SRP68: variants seen among roughly 807,000 people sequenced by gnomAD.
SRP68 encodes the protein signal recognition particle 68.
A neutral mutation model predicts 82.2 loss-of-function variants in SRP68; 15 were observed. The ratio of observed to expected loss-of-function variants is 0.18; its 90% CI spans 0.12 to 0.28. The LOEUF is 0.28. SRP68 is among the 10% of genes least tolerant of loss of function. The probability of loss-of-function intolerance (pLI) is 1.00; values close to 1 mark genes in which losing one functional copy is unlikely to be tolerated. For missense variants in SRP68, 595 were observed against 780.5 expected (o/e 0.76, Z 2.83); for synonymous variants, 261 against 292.6 (o/e 0.89, Z 1.10).
At chr17:76,068,237 A>G (rs1452289137) in intron 2 of SRP68, among the ~76,000 whole-genome samples, 2 of 151,878 alleles carry the variant, frequency 1.3e-5, no homozygotes, top group African/African-American at 4.8e-5. Context: ...GGTTGCGTTG[A>G]GCCAAGATTG....
intron 12 of SRP68, among the ~76,000 whole-genome samples, chr17:76,044,401 A>G (rs2598431): frequency 0.034 from 5,209 of 152,332 alleles, 141 homozygotes; most frequent in Non-Finnish European, 0.055. Context: ...TCCTGGGCTC[A>G]GCAGAGCCTG....
chr17:76,053,497 G>C lies in SRP68; in HGVS notation c.979-2971C>G, dbSNP rs931801916. ...TTCCTGTCGGTAGGGTACAGTTCAA[G>C]TTTAAAACCTCTTGACTGCCACGTA... On this transcript the variant is annotated intron_variant, in intron 8 of 15. Transcript: ENST00000307877. 5.1e-6 allele frequency: 5 copies of C among 985,220 alleles called. No homozygotes were observed. The African/African-American group carries it at 8.7e-5, about 17-fold the overall frequency. The allele number at this position is 985,220 out of a possible 1,614,324, so 61.0% of individuals were successfully genotyped here.
chr17:76,070,257 CA>C lies in SRP68; in HGVS notation c.251+120del, dbSNP rs1473832818. ...AAAAAAAACAAAGCAAACAAACAAA[CA>C]AAAAAAACAATGCTCTAGACTTTCT... On this transcript the variant is annotated intron_variant, in intron 2 of 15. Coordinates refer to ENST00000307877, the MANE Select transcript of SRP68 (RefSeq NM_014230.4). 123 of 553,572 alleles carry C rather than the reference CA, an allele frequency of 2.2e-4. 2 individuals are homozygous for C. The South Asian group carries it at 2.9e-3, about 13-fold the overall frequency. The allele number at this position is 553,572 out of a possible 1,614,324, so 34.3% of individuals were successfully genotyped here.
rs117031471 is a variant in SRP68 at position 76,065,498 on chromosome 17, T to C, written c.366-1327A>G. 8.3e-3 allele frequency among the ~76,000 whole-genome samples: 1,254 copies of C among 151,116 alleles called. 11 individuals are homozygous for C. Among genetic ancestry groups the C allele is most frequent in the Non-Finnish European group, 0.012 (847 of 67,844 alleles). ...TTTCTCCCAACTGGTTCTCATGAGA[T>C]TTAATCACTACATCCTGCTGCATCC... On this transcript the variant is annotated intron_variant, in intron 3 of 15. Transcript: ENST00000307877.
chr17:76,053,396 G>A, intron 8 of SRP68: 1 of 906,412 alleles, frequency 1.1e-6, no homozygotes, highest in Non-Finnish European at 1.3e-6. Context: ...AGACAAGTGG[G>A]GTTAAGTGGT....
chr17:76,066,912 A>G (rs9893835), intron 3 of SRP68, among the ~76,000 whole-genome samples: 152,236 of 152,236 alleles, frequency 1, 76,118 homozygotes, highest in Non-Finnish European at 1. Flanking sequence ...ATTTTTAGTA[A>G]AGTAGGGGTT....
intron 11 of SRP68, 60 bp downstream of exon 11, chr17:76,045,975 TTTG>T: frequency 2.5e-6 from 4 of 1,601,470 alleles, no homozygotes; most frequent in Non-Finnish European, 3.4e-6. Context: ...GTTAAGTCAC[TTTG>T]TGTCCGACAC....
In SRP68 at chr17:76,043,913, G is replaced by A. The variant is rs751426983; in HGVS notation, c.1440C>T (p.Ser480=). The A allele has an allele frequency of 1.2e-5, 19 of 1,610,722 alleles. No individual in the cohort carries two copies. In the East Asian group the frequency reaches 2.0e-4, roughly 17 times the overall value. Residue 480 remains serine (S), a synonymous_variant, in exon 13 of 16, where the codon AGC becomes AGT. Coordinates refer to ENST00000307877, the MANE Select transcript of SRP68 (RefSeq NM_014230.4). ...AQSYVLVKKW[S]EALVLYDRVL... ...CTCTGTCATACAGGACAAGGGCTTC[G>A]CTCCACTTCTTCACCAGCACATAGG...
chr17:76,070,103 A>C (rs1287677917), intron 2 of SRP68, among the ~76,000 whole-genome samples: 2 of 151,680 alleles, frequency 1.3e-5, no homozygotes, highest in Admixed American at 6.6e-5. Context: ...AACAAACAAA[A>C]AAAACAGCTA....
Position 76,066,606 on chromosome 17 carries a change from GTT to G in SRP68, c.365+609_365+610del, listed in dbSNP as rs552112903. On this transcript the variant is annotated intron_variant, in intron 3 of 15. Transcript: ENST00000307877. ...ACTTCAACATTTGCCATCCCAACAG[GTT>G]TTTTTTTTTTTTTTTTGGTTTTAAA... 1.3e-3 allele frequency among the ~76,000 whole-genome samples: 161 copies of G among 123,976 alleles called. 2 individuals are homozygous for G. The highest frequency in any genetic ancestry group is 3.5e-3 in the African/African-American group (119 of 33,944). 81.3% of individuals were successfully genotyped at this position (123,976 alleles called of 152,430 possible).
intron 3 of SRP68, among the ~76,000 whole-genome samples, chr17:76,066,938 G>A (rs2066811654): frequency 6.6e-6 from 1 of 152,054 alleles, no homozygotes; most frequent in Non-Finnish European, 1.5e-5. Flanking sequence ...ATGTTGGCCA[G>A]GCTGGTCTTG....
chr17:76,070,922 C>A (rs1342388795), intron 1 of SRP68, among the ~76,000 whole-genome samples: 4 of 151,446 alleles, frequency 2.6e-5, no homozygotes, highest in Admixed American at 2.6e-4. Flanking sequence ...TCTTTTGTAA[C>A]CATTTTCAAT....
intron 7 of SRP68, 94 bp downstream of exon 7, chr17:76,060,214 C>G: frequency 1.8e-6 from 1 of 559,174 alleles, no homozygotes; most frequent in Non-Finnish European, 3.0e-6. Context: ...TATAAATATC[C>G]ATATATTAAT....
At chr17:76,041,916 G>A (rs2665977) in intron 13 of SRP68, among the ~76,000 whole-genome samples, 61,754 of 151,262 alleles carry the variant, frequency 0.41, 12,781 homozygotes, top group Admixed American at 0.53. Flanking sequence ...TTTTTGAGAC[G>A]GAGTCTCACT....
chr17:76,051,256 G>A (rs2066670260), intron 8 of SRP68, among the ~76,000 whole-genome samples: 1 of 152,208 alleles, frequency 6.6e-6, no homozygotes, highest in Admixed American at 6.5e-5. Flanking sequence ...GCTAGGGTAA[G>A]TGAGAAAGTG....
At chr17:76,055,404 C>A (rs776282025) in intron 8 of SRP68, among the ~76,000 whole-genome samples, 2 of 152,012 alleles carry the variant, frequency 1.3e-5, no homozygotes, top group Non-Finnish European at 2.9e-5. Context: ...TACACGGTAC[C>A]CAATGTGTAG....
chr17:76,059,850 G>A (rs893304498), intron 7 of SRP68, among the ~76,000 whole-genome samples: 14 of 151,284 alleles, frequency 9.3e-5, no homozygotes, highest in African/African-American at 2.4e-4. Flanking sequence ...TTTGGGCCGG[G>A]CGCGGTGGCT....
chr17:76,042,887 G>T (rs796903358), intron 13 of SRP68, among the ~76,000 whole-genome samples: 8 of 152,254 alleles, frequency 5.3e-5, no homozygotes, highest in African/African-American at 1.9e-4. Context: ...ATCCAGCCCT[G>T]TGGCTGTACT....
chr17:76,040,897 G>A lies in SRP68; in HGVS notation c.1600+6C>T, dbSNP rs745727982. 3.1e-6 allele frequency: 5 copies of A among 1,613,702 alleles called. No individual in the cohort carries two copies. In the South Asian group the frequency reaches 5.5e-5, roughly 18 times the overall value. On this transcript the variant is annotated splice_donor_region_variant and intron_variant, in intron 14 of 15. Coordinates refer to ENST00000307877, the MANE Select transcript of SRP68 (RefSeq NM_014230.4). ...TGGGGATACAAAGGCCAGGCAGGGG[G>A]CTCACCAAGGATGGCTGCGGCCTGC...
Sources: allele counts gnomAD v4.1 joint callset (sites outside exome capture counted in the v4.1 genomes callset), GRCh38; gene constraint gnomAD v4.1.1; transcripts MANE v1.5; gene names NCBI Gene and HGNC (gene_info 2026-07-23, HGNC 2026-07-21).